Variants in EHD2 observed in about 807,000 individuals in gnomAD.
EHD2 encodes the protein EH domain containing 2.
EHD2 carries 27 observed loss-of-function variants against 41.0 expected under a neutral mutation model. The observed-to-expected ratio is 0.66, with a 90% CI of 0.49 to 0.91. EHD2 has a LOEUF of 0.91. EHD2 is among the 40% of genes least tolerant of loss of function. The pLI is 0.00. For missense variants in EHD2, 673 were observed against 773.9 expected (o/e 0.87, Z 1.55); for synonymous variants, 342 against 341.0 (o/e 1.00, Z -0.03).
intron 4 of EHD2, among the ~76,000 whole-genome samples, chr19:47,726,653 C>A (rs886942179): frequency 1.3e-5 from 2 of 151,736 alleles, no homozygotes; most frequent in Non-Finnish European, 2.9e-5. Flanking sequence ...CTTCCTCCTT[C>A]CTTACATCCT....
In EHD2 at chr19:47,740,862, C is replaced by T; in HGVS notation, c.1081-19C>T. 1 of 1,609,390 alleles carries T rather than the reference C, an allele frequency of 6.2e-7. No homozygotes were observed. Among genetic ancestry groups the T allele is most frequent in the Non-Finnish European group, 8.5e-7 (1 of 1,178,978 alleles). ...GATGGCGCCGCTTGAATTCTGGGTG[C>T]CCCTGTCCCCCACCACAGGAGCTGC... On this transcript the variant is annotated intron_variant, in intron 5 of 5. Transcript: ENST00000263277.
intron 4 of EHD2, among the ~76,000 whole-genome samples, chr19:47,727,702 TAAA>T (rs779838632): frequency 7.9e-6 from 1 of 126,156 alleles, no homozygotes; most frequent in Non-Finnish European, 1.7e-5. Context: ...CCATTTCTAT[TAAA>T]AAAAAAAAAA....
In EHD2 at chr19:47,717,014, C is replaced by T; in HGVS notation, c.402C>T (p.Asn134=). 6.3e-7 allele frequency: 1 copy of T among 1,599,668 alleles called. No homozygotes were observed. The highest frequency in any genetic ancestry group is 8.5e-7 in the Non-Finnish European group (1 of 1,179,914). The change falls in exon 2 of 6, where the codon AAC becomes AAT. Residue 134 remains asparagine, a splice_region_variant and synonymous_variant. Transcript: ENST00000263277. Reference sequence around the variant, plus strand: ...ACCCTTTCGGAAACACCTTCCTCAACAGGTGTGCCAGCCGCGAGCCCAGGG... The same window carrying T: ...ACCCTTTCGGAAACACCTTCCTCAATAGGTGTGCCAGCCGCGAGCCCAGGG... ...KLNPFGNTFL[N]RFMCAQLPNQ... is the part of the protein sequence containing the mutation.
Position 47,736,456 on chromosome 19 carries a change from C to T in EHD2, c.1003C>T (p.Leu335=), listed in dbSNP as rs1172763937. The part of the protein sequence containing the change: ...ENKKKQLILK[L]PVIFAKIQLE... ...CAAGAAGAAGCAGCTGATCCTCAAA[C>T]TGCCCGTCATCTTTGCGAAGATTCA... The change falls in exon 5 of 6, where the codon CTG becomes TTG. Residue 335 remains leucine (L), a synonymous_variant. Transcript: ENST00000263277. 6.2e-7 allele frequency: 1 copy of T among 1,613,178 alleles called. No individual in the cohort carries two copies. Among genetic ancestry groups the T allele is most frequent in the South Asian group, 1.1e-5 (1 of 90,802 alleles).
intron 3 of EHD2, among the ~76,000 whole-genome samples, chr19:47,721,419 A>T (rs1473988216): frequency 2.0e-5 from 3 of 151,632 alleles, no homozygotes; most frequent in African/African-American, 7.3e-5. Flanking sequence ...GGTTCAAGCA[A>T]TTCTCTGCCT....
rs375693637 is a variant in EHD2 at position 47,718,547 on chromosome 19, G to C, written c.443G>C (p.Ser148Thr). 6 of 1,588,096 alleles carry C rather than the reference G, an allele frequency of 3.8e-6. No individual in the cohort carries two copies. The African/African-American group carries it at 5.4e-5, about 14-fold the overall frequency. ...CAQLPNQVLE[S>T]ISIIDTPGIL... Reference sequence around the variant, plus strand: ...CAGCTCCCTAATCAGGTCCTGGAGAGCATCAGCATCATCGACACCCCGGGT... The same window carrying C: ...CAGCTCCCTAATCAGGTCCTGGAGACCATCAGCATCATCGACACCCCGGGT... Residue 148 changes from serine (S) to threonine (T), a missense_variant, in exon 3 of 6, where the codon AGC (serine) becomes ACC (threonine). Ser to Thr is a moderately conservative substitution (Grantham distance 58). Coordinates refer to ENST00000263277, the MANE Select transcript of EHD2 (RefSeq NM_014601.4).
Position 47,741,622 on chromosome 19 carries a change from T to C in EHD2, c.*190T>C, listed in dbSNP as rs1966991540. On this transcript the variant is annotated 3_prime_UTR_variant, in exon 6 of 6. Transcript: ENST00000263277. This position sits in a 1 kb window ranked among gnomAD's most constrained non-coding sequence, Gnocchi z 4.5. ...AGGGGACCACGGGAGGGACAAGGCT[T>C]CTCTGTCCGCCCTTCACACCTCCAG... is the stretch of plus-strand genomic sequence containing the variant. 3 of 667,510 alleles carry C rather than the reference T, an allele frequency of 4.5e-6. No homozygotes were observed. The highest frequency in any genetic ancestry group is 2.9e-5 in the Admixed American group (1 of 34,800). The allele number at this position is 667,510 out of a possible 1,614,324, so 41.3% of individuals were successfully genotyped here. A position where few individuals can be genotyped will look rare whatever the true frequency, so the allele number is the denominator to read the frequency against.
intron 4 of EHD2, among the ~76,000 whole-genome samples, chr19:47,728,206 C>A (rs966557542): frequency 2.6e-5 from 4 of 152,068 alleles, no homozygotes; most frequent in African/African-American, 7.2e-5. Context: ...TTCTCTCACT[C>A]CTTTCCTCTG....
chr19:47,716,069 T>G (rs938900164), intron 1 of EHD2, among the ~76,000 whole-genome samples: 8 of 44,934 alleles, frequency 1.8e-4, no homozygotes, highest in Admixed American at 1.6e-3. Flanking sequence ...GTGCCTGGCC[T>G]TTTTTTTTTT....
intron 5 of EHD2, among the ~76,000 whole-genome samples, chr19:47,738,200 A>G (rs1966945616): frequency 6.6e-6 from 1 of 151,940 alleles, no homozygotes; most frequent in African/African-American, 2.4e-5. Context: ...TTTCTAGAAC[A>G]GAGCTGTCCA....
At position 47,742,093 on chromosome 19, in the gene EHD2, G is replaced by T. The variant is rs1460004246; in HGVS notation, c.*661G>T. On this transcript the variant is annotated 3_prime_UTR_variant, in exon 6 of 6. Coordinates refer to ENST00000263277, the MANE Select transcript of EHD2 (RefSeq NM_014601.4). ...TCCGCAGCCCCTTCCCTTGCTCGGG[G>T]AAAGCCCCCAATTCTGCCCACACCC... The T allele has an allele frequency of 2.8e-6, 1 of 358,706 alleles. No homozygotes were observed. Among genetic ancestry groups the T allele is most frequent in the African/African-American group, 2.2e-5 (1 of 46,478 alleles). 22.2% of individuals were successfully genotyped at this position (358,706 alleles called of 1,614,324 possible).
chr19:47,721,421 T>A (rs1369503821), intron 3 of EHD2, among the ~76,000 whole-genome samples: 1 of 151,878 alleles, frequency 6.6e-6, no homozygotes, highest in Non-Finnish European at 1.5e-5. Flanking sequence ...TTCAAGCAAT[T>A]CTCTGCCTCA....
intron 3 of EHD2, among the ~76,000 whole-genome samples, chr19:47,723,653 GAAAAA>G (rs11407002): frequency 1.5e-4 from 11 of 71,348 alleles, no homozygotes; most frequent in Non-Finnish European, 2.6e-4. Flanking sequence ...GACTCCGTCT[GAAAAA>G]AAAAAAAAAA....
At chr19:47,724,508 G>A (rs1011965522) in intron 3 of EHD2, among the ~76,000 whole-genome samples, 2 of 152,178 alleles carry the variant, frequency 1.3e-5, no homozygotes, top group East Asian at 3.8e-4. Context: ...GGTCTCAATC[G>A]CTTCTCTCTG....
chr19:47,719,896 C>T lies in EHD2; in HGVS notation c.502+1290C>T, dbSNP rs1184161242. Reference sequence around the variant, plus strand: ...GGGGAACGGGGTCTCCCTCCCTGGCCTTGAGGATAGAGGAAGAGGAGGAGA... The same window carrying T: ...GGGGAACGGGGTCTCCCTCCCTGGCTTTGAGGATAGAGGAAGAGGAGGAGA... On this transcript the variant is annotated intron_variant, in intron 3 of 5. Coordinates refer to ENST00000263277, the MANE Select transcript of EHD2 (RefSeq NM_014601.4). The surrounding 1 kb of genome is among the most constrained non-coding windows in gnomAD (Gnocchi z 4.1). Among the ~76,000 whole-genome samples the T allele has an allele frequency of 6.6e-6, 1 of 151,022 alleles. No individual in the cohort carries two copies. The highest frequency in any genetic ancestry group is 1.5e-5 in the Non-Finnish European group (1 of 67,842).
intron 5 of EHD2, among the ~76,000 whole-genome samples, chr19:47,739,282 T>A (rs905341896): frequency 1.7e-5 from 2 of 119,186 alleles, no homozygotes; most frequent in Non-Finnish European, 3.1e-5. Flanking sequence ...TAATTTTTTT[T>A]TTTTTTTTTT....
chr19:47,739,500 C>T (rs1966962161), intron 5 of EHD2, among the ~76,000 whole-genome samples: 1 of 146,286 alleles, frequency 6.8e-6, no homozygotes, highest in Non-Finnish European at 1.5e-5. Context: ...ACTTGGGAGT[C>T]TGAGCCAGGA....
Position 47,716,756 on chromosome 19 carries a change from G to A in EHD2, c.144G>A (p.Pro48=), listed in dbSNP as rs147756934. 2.0e-4 allele frequency: 326 copies of A among 1,613,242 alleles called. No homozygotes were observed. The highest frequency in any genetic ancestry group is 1.6e-4 in the Non-Finnish European group (193 of 1,179,742). The part of the protein sequence containing the change: ...EHYRFGAFHS[P]ALEDADFDGK... ...ACCGCTTTGGGGCCTTCCACTCGCC[G>A]GCCCTGGAGGACGCAGACTTCGACG... Residue 48 remains proline (P), a synonymous_variant, in exon 2 of 6, where the codon CCG becomes CCA. Coordinates refer to ENST00000263277, the MANE Select transcript of EHD2 (RefSeq NM_014601.4).
chr19:47,730,022 T>C (rs542007148), intron 4 of EHD2, among the ~76,000 whole-genome samples: 31 of 152,052 alleles, frequency 2.0e-4, no homozygotes, highest in Non-Finnish European at 3.5e-4. Context: ...CCAGGTTCGT[T>C]CCCGCGGGTC....
Sources: allele counts gnomAD v4.1 joint callset (sites outside exome capture counted in the v4.1 genomes callset), GRCh38; gene constraint gnomAD v4.1.1; non-coding constraint Gnocchi (gnomAD v3.1); transcripts MANE v1.5; gene names NCBI Gene and HGNC (gene_info 2026-07-23, HGNC 2026-07-21).